The following VPS41 variants were observed in gnomAD, a reference collection of about 807,000 sequenced individuals.
The protein encoded by VPS41 is VPS41 subunit of HOPS complex.
VPS41 carries 85 observed loss-of-function variants against 130.9 expected under a neutral mutation model. The ratio of observed to expected loss-of-function variants is 0.65; its 90% CI spans 0.55 to 0.78. The LOEUF (loss-of-function observed/expected upper bound fraction) is 0.78. VPS41 is among the 30% of genes least tolerant of loss of function. VPS41 has a pLI of 0.00. For missense variants in VPS41, 874 were observed against 1,018.7 expected (o/e 0.86, Z 1.93); for synonymous variants, 335 against 332.9 (o/e 1.01, Z -0.07).
intron 25 of VPS41, among the ~76,000 whole-genome samples, chr7:38,729,443 T>C (rs766281715): frequency 6.6e-6 from 1 of 152,194 alleles, no homozygotes; most frequent in Non-Finnish European, 1.5e-5. Flanking sequence ...TAACTGACTA[T>C]AATAACCTTC....
chr7:38,835,083 ACT>A (rs1785466021), intron 4 of VPS41, among the ~76,000 whole-genome samples: 1 of 151,976 alleles, frequency 6.6e-6, no homozygotes, highest in Admixed American at 6.5e-5. Context: ...GGTAGGTACT[ACT>A]ACTTTTCCTA....
chr7:38,768,402 C>CA (rs565417910), intron 14 of VPS41, among the ~76,000 whole-genome samples: 8,757 of 142,064 alleles, frequency 0.062, 804 homozygotes, highest in African/African-American at 0.21. Flanking sequence ...TCTTGGATGG[C>CA]AAAAAAAAAA....
chr7:38,806,943 C>G (rs1227211312), intron 7 of VPS41, among the ~76,000 whole-genome samples: 1 of 152,194 alleles, frequency 6.6e-6, no homozygotes, highest in Non-Finnish European at 1.5e-5. Flanking sequence ...AGGACCAGGA[C>G]AGAAGCAAGA....
intron 3 of VPS41, among the ~76,000 whole-genome samples, chr7:38,866,230 TACA>T (rs1259409105): frequency 6.6e-6 from 1 of 152,178 alleles, no homozygotes; most frequent in Non-Finnish European, 1.5e-5. Flanking sequence ...GAGCCTTAGA[TACA>T]ACATTAACGA....
intron 2 of VPS41, among the ~76,000 whole-genome samples, chr7:38,889,108 A>T (rs75265292): frequency 4.1e-4 from 1 of 2,462 alleles, no homozygotes; most frequent in African/African-American, 1.2e-3. Context: ...AGTATAATTT[A>T]AAAAAAAAAA....
In VPS41 at chr7:38,795,443, TTATAAAGACAAGC is replaced by T; in HGVS notation, c.717+9_717+21del. 1 of 1,604,880 alleles carries T rather than the reference TTATAAAGACAAGC, an allele frequency of 6.2e-7. No individual in the cohort carries two copies. Among genetic ancestry groups the T allele is most frequent in the African/African-American group, 1.3e-5 (1 of 74,694 alleles). ...GTGGATCTATAACAACACGGACTTA[TTATAAAGACAAGC>T]AAAACCACCTTGACAGAAGTCCCCC... On this transcript the variant is annotated intron_variant, in intron 9 of 28. Coordinates refer to ENST00000310301, the MANE Select transcript of VPS41 (RefSeq NM_014396.4).
intron 10 of VPS41, among the ~76,000 whole-genome samples, chr7:38,777,413 C>A (rs1784279410): frequency 6.6e-6 from 1 of 151,998 alleles, no homozygotes; most frequent in East Asian, 1.9e-4. Context: ...TATTGCATCA[C>A]TTAAGAAGTA....
chr7:38,838,687 G>A (rs1359902077), intron 4 of VPS41, among the ~76,000 whole-genome samples: 6 of 152,122 alleles, frequency 3.9e-5, no homozygotes, highest in Admixed American at 1.3e-4. Context: ...CTAAATCTAA[G>A]TCCACTACAG....
intron 6 of VPS41, among the ~76,000 whole-genome samples, chr7:38,818,893 C>T (rs1785113158): frequency 6.6e-6 from 1 of 152,148 alleles, no homozygotes. Flanking sequence ...GATTCCTCTT[C>T]CTACAATGTC....
chr7:38,828,301 A>G (rs1169850655), intron 5 of VPS41, among the ~76,000 whole-genome samples: 1 of 48,888 alleles, frequency 2.0e-5, no homozygotes, highest in Admixed American at 2.7e-4. Flanking sequence ...GAACTGCAGA[A>G]AAGTCATGAC....
At chr7:38,799,192 C>A (rs148604138) in intron 7 of VPS41, among the ~76,000 whole-genome samples, 3 of 152,040 alleles carry the variant, frequency 2.0e-5, no homozygotes, top group Admixed American at 1.3e-4. Flanking sequence ...GGGAGTAATC[C>A]CCAACTTGTG....
At chr7:38,792,909 C>CA (rs556374540) in intron 9 of VPS41, among the ~76,000 whole-genome samples, 1 of 152,110 alleles carries the variant, frequency 6.6e-6, no homozygotes, top group Non-Finnish European at 1.5e-5. Flanking sequence ...AAAAGCACAC[C>CA]AATCACACTC....
At chr7:38,862,467 A>T in intron 4 of VPS41, 78 bp downstream of exon 4, 1 of 897,932 alleles carries the variant, frequency 1.1e-6, no homozygotes. Flanking sequence ...ATTAAAACAA[A>T]CTGGTAAACC....
chr7:38,834,223 C>T (rs937087600), intron 4 of VPS41, among the ~76,000 whole-genome samples: 2 of 152,002 alleles, frequency 1.3e-5, no homozygotes, highest in African/African-American at 4.8e-5. Context: ...GAGAGCTCTC[C>T]CTTTGTTATC....
At chr7:38,874,749 C>A (rs1051216079) in intron 2 of VPS41, among the ~76,000 whole-genome samples, 6 of 152,104 alleles carry the variant, frequency 3.9e-5, no homozygotes, top group African/African-American at 1.4e-4. Flanking sequence ...AAAAGAAAAT[C>A]GATAACCAAC....
chr7:38,760,254 A>T (rs544161749), intron 17 of VPS41, among the ~76,000 whole-genome samples: 2 of 152,354 alleles, frequency 1.3e-5, no homozygotes, highest in South Asian at 2.1e-4. Context: ...AAAGAGAATT[A>T]AAAACATCCA....
chr7:38,745,453 CTG>C (rs1379667619), intron 23 of VPS41, 104 bp downstream of exon 23: 28 of 840,544 alleles, frequency 3.3e-5, no homozygotes, highest in Admixed American at 6.1e-5. Flanking sequence ...GGCTCATATT[CTG>C]TGTTACGTTG....
chr7:38,864,319 C>T (rs976037115), intron 3 of VPS41, among the ~76,000 whole-genome samples: 1 of 152,054 alleles, frequency 6.6e-6, no homozygotes, highest in African/African-American at 2.4e-5. Context: ...TAATTCCTTC[C>T]CTTCTTTTTT....
At chr7:38,896,471 A>C (rs1010756149) in intron 2 of VPS41, among the ~76,000 whole-genome samples, 1 of 152,250 alleles carries the variant, frequency 6.6e-6, no homozygotes, top group Non-Finnish European at 1.5e-5. Flanking sequence ...CCCGCAGGCC[A>C]CATATGGCCT....
Sources: allele counts gnomAD v4.1 joint callset (sites outside exome capture counted in the v4.1 genomes callset), GRCh38; gene constraint gnomAD v4.1.1; transcripts MANE v1.5; gene names NCBI Gene and HGNC (gene_info 2026-07-23, HGNC 2026-07-21).